The following RAP1A variants were observed in gnomAD, a reference collection of about 807,000 sequenced individuals.
RAP1A encodes ras-related protein Rap-1A.
RAP1A carries 6 observed loss-of-function variants against 26.4 expected under a neutral mutation model. The observed-to-expected ratio is 0.23, with a 90% CI of 0.12 to 0.45. The LOEUF is 0.45. Among genes scored for constraint, RAP1A ranks in the 20% least tolerant of loss-of-function variants. RAP1A has a pLI of 0.99. For missense variants in RAP1A, 121 were observed against 217.2 expected, an observed-to-expected ratio of 0.56 and a Z score of 2.78; for synonymous variants, 73 against 79.4, an observed-to-expected ratio of 0.92 and a Z score of 0.43.
intron 1 of RAP1A, among the ~76,000 whole-genome samples, chr1:111,589,240 C>G (rs1220517733): frequency 1.3e-5 from 2 of 152,098 alleles, no homozygotes; most frequent in African/African-American, 2.4e-5. Flanking sequence ...CATAGTATAC[C>G]TTAGGCAATT....
chr1:111,639,081 G>A (rs1052478022), intron 1 of RAP1A, among the ~76,000 whole-genome samples: 1 of 31,150 alleles, frequency 3.2e-5, no homozygotes, highest in East Asian at 1.2e-3. Context: ...TTTATTGATT[G>A]AAGTATTTTG....
At chr1:111,633,643 G>A (rs1659641718) in intron 1 of RAP1A, among the ~76,000 whole-genome samples, 1 of 152,038 alleles carries the variant, frequency 6.6e-6, no homozygotes, top group African/African-American at 2.4e-5. Context: ...TTTAAATACC[G>A]AGTTTCACAC....
intron 1 of RAP1A, among the ~76,000 whole-genome samples, chr1:111,586,289 T>C (rs1358905533): frequency 1.3e-5 from 2 of 152,208 alleles, no homozygotes; most frequent in Non-Finnish European, 2.9e-5. Context: ...TGAACAGCTA[T>C]GACTAATTTT....
Position 111,697,495 on chromosome 1 carries a change from A to G in RAP1A, c.181A>G (p.Thr61Ala). The G allele has an allele frequency of 6.2e-7, 1 of 1,611,844 alleles. No homozygotes were observed. Among genetic ancestry groups the G allele is most frequent in the Non-Finnish European group, 8.5e-7 (1 of 1,179,160 alleles). ...GCTCGAAATCCTGGATACTGCAGGGACAGTAAGGATGTTTTCTCTTTTTTT... is the reference window on the plus strand; with the variant it reads ...GCTCGAAATCCTGGATACTGCAGGGGCAGTAAGGATGTTTTCTCTTTTTTT... ...CMLEILDTAG[T>A]EQFTAMRDLY... Residue 61 changes from threonine to alanine, a missense_variant and splice_region_variant, in exon 4 of 8, where the codon ACA becomes GCA. Transcript: ENST00000369709.
At position 111,577,274 on chromosome 1, in the gene RAP1A, C is replaced by T. The variant is rs192582850; in HGVS notation, c.-28+34765C>T. On this transcript the variant is annotated intron_variant, in intron 1 of 7. Coordinates refer to the RAP1A transcript ENST00000356415. ...AAAATTAGCTGGGTGTGGTGGCATG[C>T]GCCTGTAATCCCAGCTACTTGGGAG... 6.5e-3 allele frequency among the ~76,000 whole-genome samples: 992 copies of T among 151,748 alleles called. 5 individuals carry two copies. The highest frequency in any genetic ancestry group is 0.023 in the African/African-American group (951 of 41,346).
intron 1 of RAP1A, among the ~76,000 whole-genome samples, chr1:111,557,209 G>A (rs1032514725): frequency 1.1e-4 from 16 of 152,204 alleles, no homozygotes; most frequent in African/African-American, 3.9e-4. Flanking sequence ...TTCTTCAAAA[G>A]ACTGAAATGA....
intron 1 of RAP1A, chr1:111,650,572 A>G (rs1222029282): frequency 5.3e-5 from 8 of 152,192 alleles, no homozygotes; most frequent in Non-Finnish European, 5.9e-5. Context: ...TAGGTTTACA[A>G]TAAAACTGAG....
At chr1:111,546,995 A>T (rs1464711866) in intron 1 of RAP1A, among the ~76,000 whole-genome samples, 1 of 152,258 alleles carries the variant, frequency 6.6e-6, no homozygotes, top group Non-Finnish European at 1.5e-5. Flanking sequence ...TGTAAAGTGG[A>T]ACAATGCCCA....
chr1:111,652,364 C>T (rs188450616), intron 1 of RAP1A, among the ~76,000 whole-genome samples: 4 of 152,254 alleles, frequency 2.6e-5, no homozygotes, highest in Admixed American at 2.0e-4. Context: ...GCAAAGTTGA[C>T]GTTGACAGCA....
chr1:111,619,815 C>G lies in RAP1A; in HGVS notation c.-147C>G. On this transcript the variant is annotated 5_prime_UTR_variant, in exon 1 of 8. Coordinates refer to ENST00000369709, the MANE Select transcript of RAP1A (RefSeq NM_002884.4). The stretch of plus-strand genomic sequence containing the variant: ...CCGCCGCTCCCGAGGCCCCTGCCGC[C>G]GCCGCTCCCGCTGCTGTCGCCGCGC... 5.0e-6 allele frequency: 2 copies of G among 399,418 alleles called. No homozygotes were observed. Among genetic ancestry groups the G allele is most frequent in the Non-Finnish European group, 8.8e-6 (2 of 227,046 alleles). The allele number at this position is 399,418 out of a possible 1,614,324, so 24.7% of individuals were successfully genotyped here.
intron 1 of RAP1A, among the ~76,000 whole-genome samples, chr1:111,688,265 C>CTGTGTGTGTGTG (rs60277735): frequency 1.5e-5 from 2 of 135,414 alleles, no homozygotes; most frequent in South Asian, 2.3e-4. Context: ...CACAAGAAGT[C>CTGTGTGTGTGTG]TGTGTGTGTG....
intron 1 of RAP1A, among the ~76,000 whole-genome samples, chr1:111,559,490 C>A (rs1657644961): frequency 6.6e-6 from 1 of 152,110 alleles, no homozygotes; most frequent in African/African-American, 2.4e-5. Flanking sequence ...TCCAATTTTT[C>A]CAGTACCCAG....
chr1:111,619,725 G>T, upstream of RAP1A: 1 of 393,616 alleles, frequency 2.5e-6, no homozygotes, highest in East Asian at 3.6e-5. Flanking sequence ...AACTTGGAGG[G>T]GCGGGGCAGA....
At chr1:111,607,792 G>T (rs1175520637) in intron 1 of RAP1A, among the ~76,000 whole-genome samples, 1 of 134,306 alleles carries the variant, frequency 7.4e-6, no homozygotes, top group Non-Finnish European at 1.6e-5. Context: ...TCACCTCCCG[G>T]ACGGGGCGGC....
chr1:111,676,185 G>C (rs548995525), intron 1 of RAP1A, among the ~76,000 whole-genome samples: 1 of 152,144 alleles, frequency 6.6e-6, no homozygotes, highest in African/African-American at 2.4e-5. Context: ...GTGAAACCCT[G>C]TTTCTACTAA....
intron 1 of RAP1A, among the ~76,000 whole-genome samples, chr1:111,658,258 C>G (rs1437025426): frequency 6.6e-6 from 1 of 152,070 alleles, no homozygotes; most frequent in African/African-American, 2.4e-5. Context: ...TATAGAAATA[C>G]AGTCACACAT....
intron 1 of RAP1A, chr1:111,604,730 C>CTTATAAATGAA (rs1401567475): frequency 5.3e-5 from 8 of 152,150 alleles, no homozygotes; most frequent in African/African-American, 1.9e-4. Context: ...GGTGAATTTC[C>CTTATAAATGAA]TTTCTTATAA....
At chr1:111,649,976 A>C (rs999610380) in intron 1 of RAP1A, among the ~76,000 whole-genome samples, 2 of 151,680 alleles carry the variant, frequency 1.3e-5, no homozygotes, top group Non-Finnish European at 2.9e-5. Flanking sequence ...AATGTTTGTT[A>C]TGAGTATGAA....
intron 1 of RAP1A, among the ~76,000 whole-genome samples, chr1:111,625,996 C>A (rs541908367): frequency 6.6e-6 from 1 of 151,942 alleles, no homozygotes; most frequent in Non-Finnish European, 1.5e-5. Flanking sequence ...TTTAAGTAAC[C>A]CCAAATTAGG....
Sources: allele counts gnomAD v4.1 joint callset (sites outside exome capture counted in the v4.1 genomes callset), GRCh38; gene constraint gnomAD v4.1.1; transcripts MANE v1.5; gene names NCBI Gene and HGNC (gene_info 2026-07-23, HGNC 2026-07-21).